The following IMMP2L variants were observed in gnomAD, a reference collection of about 807,000 sequenced individuals.
IMMP2L encodes inner mitochondrial membrane peptidase subunit 2, also known as mitochondrial inner membrane protease subunit 2.
Under a neutral mutation model 19.3 loss-of-function variants are expected in IMMP2L, and 18 were observed. The observed-to-expected ratio is 0.93, with a 90% CI of 0.64 to 1.38. IMMP2L has a LOEUF of 1.38. IMMP2L is among the 40% of genes most tolerant of loss of function. The probability of loss-of-function intolerance (pLI) is 0.00; values close to 1 mark genes in which losing one functional copy is unlikely to be tolerated. For missense variants in IMMP2L, 233 were observed against 218.2 expected (o/e 1.07, Z -0.43); for synonymous variants, 76 against 73.0 (o/e 1.04, Z -0.21).
In IMMP2L at chr7:111,164,298, G is replaced by C. The variant is rs187922584; in HGVS notation, c.240-200733C>G. On this transcript the variant is annotated intron_variant, in intron 3 of 5. Coordinates refer to ENST00000405709, the MANE Select transcript of IMMP2L (RefSeq NM_032549.4). ...CTATTGCAGGGAGTGCTGACAACAA[G>C]GTAGAGCTCTGGGAAATCAAAAAGT... 8.5e-4 allele frequency among the ~76,000 whole-genome samples: 130 copies of C among 152,146 alleles called. 2 individuals carry two copies. The highest frequency in any genetic ancestry group is 2.1e-4 in the South Asian group (1 of 4,818).
chr7:110,791,148 G>A (rs1800433257), intron 5 of IMMP2L, among the ~76,000 whole-genome samples: 1 of 151,704 alleles, frequency 6.6e-6, no homozygotes, highest in Non-Finnish European at 1.5e-5. Flanking sequence ...AGTAAAGAAT[G>A]AAGTACTTGC....
chr7:110,969,000 C>T (rs1044248215), intron 3 of IMMP2L, among the ~76,000 whole-genome samples: 3 of 151,930 alleles, frequency 2.0e-5, no homozygotes, highest in Non-Finnish European at 4.4e-5. Flanking sequence ...AAAGAATTTT[C>T]AGGTTCTCTT....
At chr7:111,037,579 T>C (rs1031758371) in intron 3 of IMMP2L, among the ~76,000 whole-genome samples, 1 of 152,088 alleles carries the variant, frequency 6.6e-6, no homozygotes, top group African/African-American at 2.4e-5. Flanking sequence ...AATTTCAGGG[T>C]CTTTTATTGC....
intron 3 of IMMP2L, among the ~76,000 whole-genome samples, chr7:111,479,581 T>G (rs1335632742): frequency 6.6e-6 from 1 of 152,150 alleles, no homozygotes; most frequent in African/African-American, 2.4e-5. Flanking sequence ...TAATTAATTT[T>G]GTTGTAATTA....
intron 3 of IMMP2L, among the ~76,000 whole-genome samples, chr7:111,197,560 A>G (rs1034505094): frequency 3.3e-5 from 5 of 152,204 alleles, no homozygotes; most frequent in Non-Finnish European, 7.4e-5. Context: ...AGATATCTCC[A>G]TACGTCTTTA....
At chr7:111,468,696 A>G (rs979101311) in intron 3 of IMMP2L, among the ~76,000 whole-genome samples, 1 of 152,150 alleles carries the variant, frequency 6.6e-6, no homozygotes, top group African/African-American at 2.4e-5. Context: ...TAGAGAAAAC[A>G]TATCATAGTC....
At position 111,165,193 on chromosome 7, in the gene IMMP2L, C is replaced by A. The variant is rs10227865; in HGVS notation, c.240-201628G>T. On this transcript the variant is annotated intron_variant, in intron 3 of 5. Coordinates refer to ENST00000405709, the MANE Select transcript of IMMP2L (RefSeq NM_032549.4). ...ACTGTATCTCTCTTTCTGTGACTGG[C>A]TCATTTCACTTGGCATAATGGCCTG... 2.7e-3 allele frequency among the ~76,000 whole-genome samples: 412 copies of A among 152,146 alleles called. 1 individual carries two copies. Among genetic ancestry groups the A allele is most frequent in the Non-Finnish European group, 3.9e-3 (267 of 67,984 alleles).
intron 5 of IMMP2L, among the ~76,000 whole-genome samples, chr7:110,721,144 C>T (rs1425274618): frequency 6.6e-6 from 1 of 151,914 alleles, no homozygotes; most frequent in Non-Finnish European, 1.5e-5. Flanking sequence ...CTGAGAGTAG[C>T]TTCGTACACT....
At chr7:110,841,709 G>A (rs1427635404) in intron 5 of IMMP2L, among the ~76,000 whole-genome samples, 1 of 151,764 alleles carries the variant, frequency 6.6e-6, no homozygotes, top group Non-Finnish European at 1.5e-5. Context: ...AAAGAACTGG[G>A]GCTTAAGAGG....
chr7:111,104,584 A>T (rs943618005), intron 3 of IMMP2L, among the ~76,000 whole-genome samples: 3 of 149,380 alleles, frequency 2.0e-5, no homozygotes, highest in African/African-American at 7.6e-5. Flanking sequence ...AATCATGCTA[A>T]ATAACAGAAA....
chr7:111,109,122 G>A (rs192175368), intron 3 of IMMP2L, among the ~76,000 whole-genome samples: 1 of 152,122 alleles, frequency 6.6e-6, no homozygotes, highest in Non-Finnish European at 1.5e-5. Context: ...AAGGTGGTCC[G>A]TAAATAAGGT....
At chr7:111,516,714 T>C (rs1179281241) in intron 2 of IMMP2L, among the ~76,000 whole-genome samples, 1 of 152,042 alleles carries the variant, frequency 6.6e-6, no homozygotes, top group African/African-American at 2.4e-5. Flanking sequence ...TAATGACAGG[T>C]TACAGAACTA....
intron 4 of IMMP2L, among the ~76,000 whole-genome samples, chr7:110,919,414 C>A (rs1269789970): frequency 6.6e-6 from 1 of 152,124 alleles, no homozygotes; most frequent in Admixed American, 6.5e-5. Flanking sequence ...TTAGAAAGAG[C>A]AGAATCAGCA....
chr7:110,726,971 C>A (rs1795923890), intron 5 of IMMP2L, among the ~76,000 whole-genome samples: 1 of 152,070 alleles, frequency 6.6e-6, no homozygotes, highest in Admixed American at 6.6e-5. Flanking sequence ...GTCAAGATCT[C>A]AACAAAAAAC....
intron 3 of IMMP2L, among the ~76,000 whole-genome samples, chr7:111,369,792 TTAGATA>T (rs1408914462): frequency 6.6e-6 from 1 of 151,896 alleles, no homozygotes; most frequent in African/African-American, 2.4e-5. Context: ...AGACCTAGGC[TTAGATA>T]TACTATTTGT....
At chr7:111,242,061 T>C (rs958139348) in intron 3 of IMMP2L, among the ~76,000 whole-genome samples, 17 of 152,004 alleles carry the variant, frequency 1.1e-4, no homozygotes, top group African/African-American at 3.6e-4. Flanking sequence ...TCACTGAGTT[T>C]TGCATCATAG....
At chr7:111,037,721 T>C (rs1235182719) in intron 3 of IMMP2L, among the ~76,000 whole-genome samples, 2 of 152,204 alleles carry the variant, frequency 1.3e-5, no homozygotes, top group Non-Finnish European at 2.9e-5. Flanking sequence ...ATAATAGATA[T>C]TGGCCTTGTT....
chr7:110,821,704 A>G (rs1803046183), intron 5 of IMMP2L, among the ~76,000 whole-genome samples: 1 of 152,022 alleles, frequency 6.6e-6, no homozygotes, highest in Non-Finnish European at 1.5e-5. Flanking sequence ...TGAGGTCAGG[A>G]GATCGAGAAC....
intron 3 of IMMP2L, among the ~76,000 whole-genome samples, chr7:111,216,173 T>G (rs1278806871): frequency 2.0e-5 from 3 of 152,124 alleles, no homozygotes; most frequent in South Asian, 2.1e-4. Flanking sequence ...CATCACCAAT[T>G]TTGTCATCTC....
Sources: allele counts gnomAD v4.1 joint callset (sites outside exome capture counted in the v4.1 genomes callset), GRCh38; gene constraint gnomAD v4.1.1; transcripts MANE v1.5; gene names NCBI Gene and HGNC (gene_info 2026-07-23, HGNC 2026-07-21).